The following ZNF536 variants were observed in gnomAD, a reference collection of about 807,000 sequenced individuals.
ZNF536 encodes zinc finger protein 536.
A neutral mutation model predicts 84.5 loss-of-function variants in ZNF536; 13 were observed. The observed-to-expected ratio is 0.15, with a 90% CI of 0.10 to 0.24. The LOEUF (loss-of-function observed/expected upper bound fraction) is 0.24. Among genes scored for constraint, ZNF536 ranks in the 10% least tolerant of loss-of-function variants. The pLI is 1.00. For synonymous variants in ZNF536, 811 were observed against 742.5 expected, an observed-to-expected ratio of 1.09 and a Z score of -1.50; for missense variants, 1,536 against 1,747.5, an observed-to-expected ratio of 0.88 and a Z score of 2.16.
intron 1 of ZNF536, among the ~76,000 whole-genome samples, chr19:30,257,394 C>T (rs1038445984): frequency 6.6e-5 from 10 of 152,218 alleles, no homozygotes; most frequent in African/African-American, 2.2e-4. Context: ...TGTTAAAAGA[C>T]AGTAAAAGGT....
At chr19:30,707,268 T>C (rs868705074) in intron 1 of ZNF536, among the ~76,000 whole-genome samples, 2 of 152,194 alleles carry the variant, frequency 1.3e-5, no homozygotes, top group Non-Finnish European at 2.9e-5. Flanking sequence ...TTGCCTCTGA[T>C]TGGCATCCTA....
chr19:30,616,295 C>T (rs766057647), intron 1 of ZNF536, among the ~76,000 whole-genome samples: 4 of 152,162 alleles, frequency 2.6e-5, no homozygotes, highest in African/African-American at 4.8e-5. Context: ...CATCGAGCAT[C>T]TGGTTGTATG....
intron 1 of ZNF536, among the ~76,000 whole-genome samples, chr19:30,434,625 A>T (rs2051627086): frequency 6.6e-6 from 1 of 152,256 alleles, no homozygotes; most frequent in Admixed American, 6.5e-5. Context: ...ACATGAGACA[A>T]TGACTGTGAT....
intron 2 of ZNF536, among the ~76,000 whole-genome samples, chr19:30,490,120 A>G (rs560255838): frequency 6.6e-6 from 1 of 152,342 alleles, no homozygotes; most frequent in East Asian, 1.9e-4. Flanking sequence ...GAACCTGCAG[A>G]GAAAAGTGCA....
chr19:30,478,748 G>T (rs2053954129), intron 2 of ZNF536, among the ~76,000 whole-genome samples: 1 of 152,156 alleles, frequency 6.6e-6, no homozygotes, highest in African/African-American at 2.4e-5. Context: ...AGTCGAACTG[G>T]ATTCTCCCAA....
chr19:30,453,025 G>A (rs1389595986), intron 2 of ZNF536, among the ~76,000 whole-genome samples: 1 of 152,144 alleles, frequency 6.6e-6, no homozygotes, highest in African/African-American at 2.4e-5. Flanking sequence ...TCCCCAGGAA[G>A]TGAGCTTTGC....
At chr19:30,478,024 C>T (rs981917138) in intron 2 of ZNF536, among the ~76,000 whole-genome samples, 2 of 152,120 alleles carry the variant, frequency 1.3e-5, no homozygotes, top group East Asian at 3.9e-4. Context: ...CCTCCATTGC[C>T]CAACCCCTTA....
At chr19:30,541,417 C>T in intron 3 of ZNF536, among the ~76,000 whole-genome samples, 1 of 151,296 alleles carries the variant, frequency 6.6e-6, no homozygotes. Context: ...AAAAAATCTC[C>T]AAAAGGAGAT....
intron 2 of ZNF536, among the ~76,000 whole-genome samples, chr19:30,482,628 C>CTCTACGGTCG: frequency 6.6e-6 from 1 of 152,032 alleles, no homozygotes; most frequent in African/African-American, 2.4e-5. Flanking sequence ...TCATTATATT[C>CTCTACGGTCG]TCTACGGTCT....
intron 1 of ZNF536, among the ~76,000 whole-genome samples, chr19:30,390,586 G>A (rs146981871): frequency 1.1e-3 from 167 of 152,340 alleles, no homozygotes; most frequent in African/African-American, 3.8e-3. Context: ...CCCACATTCT[G>A]CCGGAGAGCT....
At chr19:30,632,465 G>A (rs985406929) in intron 1 of ZNF536, among the ~76,000 whole-genome samples, 3 of 152,158 alleles carry the variant, frequency 2.0e-5, no homozygotes, top group African/African-American at 4.8e-5. Context: ...AATTAGCCAG[G>A]CATGGTGGCA....
chr19:30,658,968 G>A (rs1436946214), intron 1 of ZNF536, among the ~76,000 whole-genome samples: 1 of 152,206 alleles, frequency 6.6e-6, no homozygotes, highest in Non-Finnish European at 1.5e-5. Context: ...TAGGTTTCTT[G>A]TATCTGGGCA....
intron 2 of ZNF536, among the ~76,000 whole-genome samples, chr19:30,466,574 GAA>G (rs2053403398): frequency 8.0e-6 from 1 of 125,634 alleles, no homozygotes; most frequent in Non-Finnish European, 1.6e-5. Flanking sequence ...AAGAAAGAAA[GAA>G]AGAAAGAAAG....
chr19:30,422,021 TAGC>T lies in ZNF536; in HGVS notation c.-2-21537_-2-21535del, dbSNP rs1477304644. Among the ~76,000 whole-genome samples, 5 of 152,296 alleles carry T rather than the reference TAGC, an allele frequency of 3.3e-5. No individual in the cohort carries two copies. In the East Asian group the frequency reaches 9.6e-4, roughly 29 times the overall value. On this transcript the variant is annotated intron_variant, in intron 1 of 4. Coordinates refer to ENST00000355537, the MANE Select transcript of ZNF536 (RefSeq NM_014717.3). ...AATAGTGAATTAATTAAAAAAATAT[TAGC>T]AGGGGTACAAAAACATGGGAAAAAA...
At chr19:30,529,237 C>A (rs978083507) in intron 2 of ZNF536, among the ~76,000 whole-genome samples, 2 of 152,124 alleles carry the variant, frequency 1.3e-5, no homozygotes, top group African/African-American at 4.8e-5. Context: ...GTTTTAATAT[C>A]CCAAACATAT....
intron 1 of ZNF536, among the ~76,000 whole-genome samples, chr19:30,426,221 C>T (rs78247242): frequency 0.038 from 5,737 of 152,294 alleles, 162 homozygotes; most frequent in Middle Eastern, 0.11. Flanking sequence ...CTGACTTTAA[C>T]GGCAATAAAA....
intron 1 of ZNF536, among the ~76,000 whole-genome samples, chr19:30,277,175 G>C (rs2026171930): frequency 6.6e-6 from 1 of 152,212 alleles, no homozygotes; most frequent in African/African-American, 2.4e-5. Flanking sequence ...ACCATCTTTA[G>C]AGTAAGCGGC....
upstream of ZNF536, among the ~76,000 whole-genome samples, chr19:30,226,333 C>T (rs909371137): frequency 1.3e-5 from 2 of 152,164 alleles, no homozygotes; most frequent in Non-Finnish European, 2.9e-5. The surrounding 1 kb of genome is among the most constrained non-coding windows in gnomAD (Gnocchi z 4.6). Flanking sequence ...TGCGCTCTTT[C>T]TCTGGTCCGC....
intron 2 of ZNF536, among the ~76,000 whole-genome samples, chr19:30,531,589 C>T (rs1449063082): frequency 6.6e-6 from 1 of 151,980 alleles, no homozygotes; most frequent in African/African-American, 2.4e-5. Flanking sequence ...CAACCTTGCT[C>T]CCCTCCCTAC....
Sources: allele counts gnomAD v4.1 joint callset (sites outside exome capture counted in the v4.1 genomes callset), GRCh38; gene constraint gnomAD v4.1.1; non-coding constraint Gnocchi (gnomAD v3.1); transcripts MANE v1.5; gene names NCBI Gene and HGNC (gene_info 2026-07-23, HGNC 2026-07-21).